CCDC18: variants seen among roughly 807,000 people sequenced by gnomAD.
CCDC18 encodes coiled-coil domain-containing protein 18.
A neutral mutation model predicts 196.0 loss-of-function variants in CCDC18; 157 were observed. The ratio of observed to expected loss-of-function variants is 0.80; its 90% confidence interval spans 0.70 to 0.91. The LOEUF (loss-of-function observed/expected upper bound fraction) is 0.91, where lower values mean the gene tolerates loss of function less well. CCDC18 is among the 40% of genes least tolerant of loss of function. The pLI, the probability that CCDC18 is intolerant of heterozygous loss-of-function variation, is 0.00. For missense variants in CCDC18, 1,465 were observed against 1,611.6 expected, an observed-to-expected ratio of 0.91 and a Z score of 1.56; for synonymous variants, 482 against 529.2, an observed-to-expected ratio of 0.91 and a Z score of 1.22.
chr1:93,230,104 T>A (rs1445933788), intron 17 of CCDC18, among the ~76,000 whole-genome samples: 1 of 151,980 alleles, frequency 6.6e-6, no homozygotes, highest in Non-Finnish European at 1.5e-5. Flanking sequence ...AAATTCTACT[T>A]TCTTATTTAC....
intron 26 of CCDC18, chr1:93,262,441 G>A (rs1212839273): frequency 6.6e-6 from 1 of 152,194 alleles, no homozygotes; most frequent in Non-Finnish European, 1.5e-5. Flanking sequence ...CCTTCCAAAT[G>A]GGAAAAATTT....
At chr1:93,273,129 C>G (rs949520283) in intron 28 of CCDC18, among the ~76,000 whole-genome samples, 1 of 151,612 alleles carries the variant, frequency 6.6e-6, no homozygotes, top group Non-Finnish European at 1.5e-5. Flanking sequence ...AGTGCAGTGG[C>G]GCAATCTTGG....
Position 93,180,745 on chromosome 1 carries a change from G to C in CCDC18, c.-110G>C, listed in dbSNP as rs377042399. 3.7e-5 allele frequency: 51 copies of C among 1,366,990 alleles called. 1 individual carries two copies. The African/African-American group carries it at 6.6e-4, about 18-fold the overall frequency. 84.7% of individuals were successfully genotyped at this position (1,366,990 alleles called of 1,614,324 possible). A position where few individuals can be genotyped will look rare whatever the true frequency, so the allele number is the denominator to read the frequency against. Reference sequence around the variant, plus strand: ...CGGCGGTTCGAATTCTGTGCTGCCGGGGTTCGCTGGTTCTCCGAGTTGTGT... The same window carrying C: ...CGGCGGTTCGAATTCTGTGCTGCCGCGGTTCGCTGGTTCTCCGAGTTGTGT... On this transcript the variant is annotated 5_prime_UTR_variant, in exon 1 of 29. Transcript: ENST00000690025.
At chr1:93,258,649 T>C (rs1030744641) in intron 25 of CCDC18, 99 bp from the exon 26 acceptor site, 4 of 929,426 alleles carry the variant, frequency 4.3e-6, no homozygotes, top group Admixed American at 3.7e-5. Context: ...TTATATAATA[T>C]AAAAAATTAA....
chr1:93,183,864 A>G (rs573941606), intron 2 of CCDC18, 114 bp from the exon 3 acceptor site: 2 of 577,678 alleles, frequency 3.5e-6, no homozygotes, highest in South Asian at 1.1e-4. Context: ...TATGTTCATA[A>G]CTGTGAATCT....
chr1:93,270,462 A>G lies in CCDC18; in HGVS notation c.4001A>G (p.Asp1334Gly). 1 of 1,550,416 alleles carries G rather than the reference A, an allele frequency of 6.4e-7. No homozygotes were observed. The highest frequency in any genetic ancestry group is 2.4e-5 in the East Asian group (1 of 40,880). Residue 1334 changes from aspartate to glycine, a missense_variant, in exon 28 of 29, where the codon GAT (aspartate) becomes GGT (glycine). Coordinates refer to ENST00000690025, the MANE Select transcript of CCDC18 (RefSeq NM_001378204.1). ...ACAGAAATTATGCCTGATGTTCAAG[A>G]TCCAAAATTTGCTAAATGTTTTCAC... ...SPTEIMPDVQ[D>G]PKFAKCFHTS...
intron 23 of CCDC18, among the ~76,000 whole-genome samples, chr1:93,248,703 C>T (rs533005776): frequency 9.2e-5 from 14 of 152,002 alleles, no homozygotes; most frequent in South Asian, 2.1e-4. Flanking sequence ...GGGCCAGGCA[C>T]GGTGGTGCGT....
At position 93,210,799 on chromosome 1, in the gene CCDC18, C is replaced by T. The variant is rs532282779; in HGVS notation, c.1210-3C>T. On this transcript the variant is annotated splice_region_variant and splice_polypyrimidine_tract_variant and intron_variant, in intron 9 of 28. Transcript: ENST00000690025. ...TTACATATGTTTGTTTTTAAACTTGCAGTTAAAAAGAGAATTATTTGGCTT... is the reference window on the plus strand; with the variant it reads ...TTACATATGTTTGTTTTTAAACTTGTAGTTAAAAAGAGAATTATTTGGCTT... The T allele has an allele frequency of 1.2e-5, 19 of 1,579,458 alleles. No homozygotes were observed. In the Admixed American group the frequency reaches 2.2e-4, roughly 18 times the overall value.
intron 6 of CCDC18, among the ~76,000 whole-genome samples, chr1:93,200,349 AG>A (rs1653621843): frequency 6.6e-6 from 1 of 151,176 alleles, no homozygotes; most frequent in African/African-American, 2.4e-5. Context: ...AAAAAAAAAA[AG>A]CGAGAACAGG....
chr1:93,227,957 C>CAAAAAAAAA (rs71586784), intron 17 of CCDC18, among the ~76,000 whole-genome samples: 1 of 105,182 alleles, frequency 9.5e-6, no homozygotes, highest in African/African-American at 3.5e-5. Flanking sequence ...GACCCTATCT[C>CAAAAAAAAA]AAAAAAAAAA....
chr1:93,207,736 A>C (rs752226157), intron 9 of CCDC18, among the ~76,000 whole-genome samples: 9 of 152,182 alleles, frequency 5.9e-5, no homozygotes, highest in Non-Finnish European at 1.3e-4. Flanking sequence ...ACCATGATCC[A>C]GCTTTGAAAC....
intron 17 of CCDC18, among the ~76,000 whole-genome samples, chr1:93,229,757 G>A (rs536440806): frequency 6.6e-6 from 1 of 152,052 alleles, no homozygotes; most frequent in East Asian, 1.9e-4. Context: ...CTGAATTTTT[G>A]GAAGATATTT....
intron 18 of CCDC18, among the ~76,000 whole-genome samples, chr1:93,233,076 C>T (rs968098785): frequency 6.6e-6 from 1 of 152,180 alleles, no homozygotes; most frequent in Non-Finnish European, 1.5e-5. Context: ...TGACCTCCAT[C>T]TCTTATACCA....
chr1:93,182,159 A>G (rs1649828645), intron 1 of CCDC18, among the ~76,000 whole-genome samples: 1 of 152,236 alleles, frequency 6.6e-6, no homozygotes, highest in South Asian at 2.1e-4. Context: ...AAAAAGGGAA[A>G]GAGGATAGAA....
At chr1:93,213,168 C>A (rs1449411070) in intron 11 of CCDC18, among the ~76,000 whole-genome samples, 1 of 152,062 alleles carries the variant, frequency 6.6e-6, no homozygotes, top group Non-Finnish European at 1.5e-5. Flanking sequence ...GCCTGCCACT[C>A]ACCTCCTACT....
Position 93,257,499 on chromosome 1 carries a change from CA to C in CCDC18, c.3546+973del, listed in dbSNP as rs748329007. ...AAGAAAAATGTGTTTATTGATGTTGCAAAAAAAAAAAATTCAGCTTTCCATT... is the reference window on the plus strand; with the variant it reads ...AAGAAAAATGTGTTTATTGATGTTGCAAAAAAAAAAATTCAGCTTTCCATT... On this transcript the variant is annotated intron_variant, in intron 25 of 28. Coordinates refer to ENST00000690025, the MANE Select transcript of CCDC18 (RefSeq NM_001378204.1). 4.8e-3 allele frequency among the ~76,000 whole-genome samples: 685 copies of C among 142,086 alleles called. 1 individual carries two copies. Among genetic ancestry groups the C allele is most frequent in the Admixed American group, 8.8e-3 (125 of 14,264 alleles). 93.2% of individuals were successfully genotyped at this position (142,086 alleles called of 152,430 possible).
intron 4 of CCDC18, among the ~76,000 whole-genome samples, chr1:93,188,880 G>A (rs1223567282): frequency 6.6e-6 from 1 of 152,092 alleles, no homozygotes; most frequent in Non-Finnish European, 1.5e-5. Flanking sequence ...TATTTCTGGA[G>A]TACATTAGGT....
chr1:93,207,725 C>CA lies in CCDC18; in HGVS notation c.1209+328dup, dbSNP rs569395942. Among the ~76,000 whole-genome samples, 16 of 152,240 alleles carry CA rather than the reference C, an allele frequency of 1.1e-4. No homozygotes were observed. The South Asian group carries it at 2.9e-3, about 28-fold the overall frequency. ...GTAAATTTATAAGTTTTGTAACAAT[C>CA]ACCATGATCCAGCTTTGAAACATGT... On this transcript the variant is annotated intron_variant, in intron 9 of 28. Transcript: ENST00000690025.
Position 93,232,554 on chromosome 1 carries a change from T to C in CCDC18, c.2421T>C (p.Asn807=), listed in dbSNP as rs755127972. The change falls in exon 18 of 29, where the codon AAT becomes AAC. Residue 807 remains asparagine (N), a synonymous_variant. Transcript: ENST00000690025. Reference sequence around the variant, plus strand: ...TGTTACAACAAGAGACAATTAGAAATGGAGAGCTAGAAGATACTCAAACTA... The same window carrying C: ...TGTTACAACAAGAGACAATTAGAAACGGAGAGCTAGAAGATACTCAAACTA... The part of the protein sequence containing the change: ...QQMLQQETIR[N]GELEDTQTKL... 1.2e-6 allele frequency: 2 copies of C among 1,612,080 alleles called. No individual in the cohort carries two copies. Among genetic ancestry groups the C allele is most frequent in the Non-Finnish European group, 1.7e-6 (2 of 1,178,944 alleles).
Sources: allele counts gnomAD v4.1 joint callset (sites outside exome capture counted in the v4.1 genomes callset), GRCh38; gene constraint gnomAD v4.1.1; transcripts MANE v1.5; gene names NCBI Gene and HGNC (gene_info 2026-07-23, HGNC 2026-07-21).